ZNF746: variants seen among roughly 807,000 people sequenced by gnomAD.
ZNF746 encodes the protein zinc finger protein 746.
A neutral mutation model predicts 41.0 loss-of-function variants in ZNF746; 13 were observed. The observed-to-expected ratio is 0.32, with a 90% CI of 0.21 to 0.50. The LOEUF is 0.50. ZNF746 is among the 20% of genes least tolerant of loss of function. The pLI, the probability that ZNF746 is intolerant of heterozygous loss-of-function variation, is 0.98. For synonymous variants in ZNF746, 424 were observed against 396.2 expected (o/e 1.07, Z -0.83); for missense variants, 811 against 922.9 (o/e 0.88, Z 1.57).
At position 149,497,599 on chromosome 7, in the gene ZNF746, ACGCAGGCCCGGC is replaced by A; in HGVS notation, c.-75_-64del. ...CGTCGCCGCCGCCGCGCGCGGCACCACGCAGGCCCGGCCGCCCGGTGCTCTCCGCAGGCGGCG... is the reference window on the plus strand; with the variant it reads ...CGTCGCCGCCGCCGCGCGCGGCACCACGCCCGGTGCTCTCCGCAGGCGGCG... On this transcript the variant is annotated 5_prime_UTR_variant, in exon 1 of 7. Transcript: ENST00000458143. This position sits in a 1 kb window ranked among gnomAD's most constrained non-coding sequence, Gnocchi z 4.2. 1 of 1,025,796 alleles carries A rather than the reference ACGCAGGCCCGGC, an allele frequency of 9.7e-7. No homozygotes were observed. The highest frequency in any genetic ancestry group is 1.2e-6 in the Non-Finnish European group (1 of 858,270). The allele number at this position is 1,025,796 out of a possible 1,614,324, so 63.5% of individuals were successfully genotyped here.
At chr7:149,489,229 TA>T in intron 4 of ZNF746, 1 of 128,730 alleles carries the variant, frequency 7.8e-6, no homozygotes, top group Non-Finnish European at 1.6e-5. Flanking sequence ...AGAAATACAT[TA>T]TTTCACACAC....
At chr7:149,490,424 A>G (rs1311888802) in intron 4 of ZNF746, 4 of 152,272 alleles carry the variant, frequency 2.6e-5, no homozygotes, top group Non-Finnish European at 5.9e-5. Flanking sequence ...CAGGTGCAGA[A>G]CACCGATGGA....
At chr7:149,482,981 A>G (rs1166706274) in intron 4 of ZNF746, among the ~76,000 whole-genome samples, 3 of 152,238 alleles carry the variant, frequency 2.0e-5, no homozygotes, top group Non-Finnish European at 2.9e-5. Flanking sequence ...CCAAACACAG[A>G]GAAAACACAA....
At chr7:149,489,233 T>TCACACACACACACACACACA (rs58193586) in intron 4 of ZNF746, 1 of 142,634 alleles carries the variant, frequency 7.0e-6, no homozygotes, top group Admixed American at 7.0e-5. Flanking sequence ...ATACATTATT[T>TCACACACACACACACACACA]CACACACACA....
chr7:149,497,429 C>A lies in ZNF746; in HGVS notation c.24+84G>T. ...CCGGCCCGGACCCCGGAACCCCTCC[C>A]CAGGGCCTGCGGCGCCGTGTGCCGG... On this transcript the variant is annotated intron_variant, in intron 1 of 6. Transcript: ENST00000458143. This position sits in a 1 kb window ranked among gnomAD's most constrained non-coding sequence, Gnocchi z 4.2. The A allele has an allele frequency of 1.9e-6, 2 of 1,042,432 alleles. No individual in the cohort carries two copies. The highest frequency in any genetic ancestry group is 8.8e-5 in the South Asian group (2 of 22,742). The allele number at this position is 1,042,432 out of a possible 1,614,324, so 64.6% of individuals were successfully genotyped here.
chr7:149,491,915 G>C (rs756236722), intron 4 of ZNF746: 12 of 701,880 alleles, frequency 1.7e-5, no homozygotes, highest in Non-Finnish European at 3.1e-5. Flanking sequence ...AACTTTCAAA[G>C]GTGCTGACTG....
Position 149,494,188 on chromosome 7 carries a change from G to A in ZNF746, c.324+16C>T. 6.2e-7 allele frequency: 1 copy of A among 1,613,748 alleles called. No homozygotes were observed. The highest frequency in any genetic ancestry group is 8.5e-7 in the Non-Finnish European group (1 of 1,179,724). On this transcript the variant is annotated intron_variant, in intron 2 of 6. Coordinates refer to ENST00000458143, the MANE Select transcript of ZNF746 (RefSeq NM_001394198.1). This position sits in a 1 kb window ranked among gnomAD's most constrained non-coding sequence, Gnocchi z 5.6. ...GGCCGCTTGGGCTCCCACACCCCAAGGCGTCCCAGGGCTACCTTAGGGGAC... is the reference window on the plus strand; with the variant it reads ...GGCCGCTTGGGCTCCCACACCCCAAAGCGTCCCAGGGCTACCTTAGGGGAC...
chr7:149,484,632 T>C (rs1258165169), intron 4 of ZNF746, among the ~76,000 whole-genome samples: 2 of 152,146 alleles, frequency 1.3e-5, no homozygotes, highest in African/African-American at 4.8e-5. Flanking sequence ...ACACCTGTTA[T>C]CATCATTTCT....
At chr7:149,477,820 T>A (rs1800363198) in intron 4 of ZNF746, 65 bp from the exon 5 acceptor site, 2 of 1,379,262 alleles carry the variant, frequency 1.5e-6, no homozygotes, top group Non-Finnish European at 1.9e-6. Flanking sequence ...CATACACGCA[T>A]CCAGCCGGAG....
rs1801034748 is a variant in ZNF746, at chr7:149,497,237, G to T, written c.24+276C>A. The T allele has an allele frequency of 1.0e-6, 1 of 983,120 alleles. No individual in the cohort carries two copies. Among genetic ancestry groups the T allele is most frequent in the Admixed American group, 6.1e-5 (1 of 16,266 alleles). 60.9% of individuals were successfully genotyped at this position (983,120 alleles called of 1,614,324 possible). On this transcript the variant is annotated intron_variant, in intron 1 of 6. Coordinates refer to ENST00000458143, the MANE Select transcript of ZNF746 (RefSeq NM_001394198.1). This position sits in a 1 kb window ranked among gnomAD's most constrained non-coding sequence, Gnocchi z 4.2. ...AGGAGGGGACAGCGGCTGGGGCGGG[G>T]GCAGGAAGCCCCGGAGGGCCCAAAG...
chr7:149,492,710 A>T, intron 4 of ZNF746, 149 bp downstream of exon 4: 1 of 649,166 alleles, frequency 1.5e-6, no homozygotes, highest in Non-Finnish European at 2.8e-6. Flanking sequence ...TAGAGATTAA[A>T]ACTCAACTAT....
chr7:149,475,471 A>G lies in ZNF746; in HGVS notation c.896T>C (p.Ile299Thr), dbSNP rs771442430. Residue 299 changes from isoleucine to threonine, a missense_variant, in exon 7 of 7, where the codon ATT becomes ACT. Transcript: ENST00000458143. ...TTCCTGGACTTCTGTTTTTATTACA[A>G]TTTTTACATCTGCTGAGAAAGACAG... ...TAASTEADVKIVIKTEVQEEE... is the reference protein window; with the variant it reads ...TAASTEADVKTVIKTEVQEEE... The G allele has an allele frequency of 6.2e-7, 1 of 1,611,630 alleles. No individual in the cohort carries two copies. The highest frequency in any genetic ancestry group is 8.5e-7 in the Non-Finnish European group (1 of 1,178,376).
chr7:149,495,519 A>T (rs1800966104), intron 1 of ZNF746, among the ~76,000 whole-genome samples: 1 of 152,216 alleles, frequency 6.6e-6, no homozygotes, highest in African/African-American at 2.4e-5. Flanking sequence ...GGACTGTTTG[A>T]GCCACCCACA....
At position 149,492,847 on chromosome 7, in the gene ZNF746, C is replaced by T. The variant is rs764861806; in HGVS notation, c.565+12G>A. ...ATACCTGATGCCTCCCTGGCCTTCT[C>T]CCAGCCCTTACCTGGACTGGGGTCC... On this transcript the variant is annotated intron_variant, in intron 4 of 6. Coordinates refer to ENST00000458143, the MANE Select transcript of ZNF746 (RefSeq NM_001394198.1). 70 of 1,606,208 alleles carry T rather than the reference C, an allele frequency of 4.4e-5. No homozygotes were observed. The highest frequency in any genetic ancestry group is 1.7e-4 in the Middle Eastern group (1 of 5,718).
At chr7:149,486,992 G>A (rs77537193) in intron 4 of ZNF746, among the ~76,000 whole-genome samples, 5 of 152,352 alleles carry the variant, frequency 3.3e-5, no homozygotes, top group African/African-American at 4.8e-5. Context: ...TGGAAGACGA[G>A]CAAGTGAAGC....
chr7:149,479,694 C>CT (rs372322510), intron 4 of ZNF746, among the ~76,000 whole-genome samples: 1 of 152,268 alleles, frequency 6.6e-6, no homozygotes, highest in Non-Finnish European at 1.5e-5. Flanking sequence ...ATATGGCTGG[C>CT]TAGATGTGCA....
At chr7:149,491,923 C>A (rs749082764) in intron 4 of ZNF746, 1 of 702,234 alleles carries the variant, frequency 1.4e-6, no homozygotes, top group Non-Finnish European at 2.6e-6. Context: ...AAGGTGCTGA[C>A]TGGCTCCAGG....
In ZNF746 at chr7:149,475,010, T is replaced by TCA; in HGVS notation, c.1356_1357insTG (p.Lys453Ter). ...GCGGGGTGCTTCTTCAGCCCTGGCT[T>TCA]GTGGCCAAAGCCTTTGGTCCGGCCA... On this transcript the variant is annotated frameshift_variant, in exon 7 of 7. Transcript: ENST00000458143. LOFTEE classifies it low-confidence loss of function (END_TRUNC). The TCA allele has an allele frequency of 1.3e-6, 2 of 1,551,220 alleles. No homozygotes were observed. The highest frequency in any genetic ancestry group is 1.7e-6 in the Non-Finnish European group (2 of 1,147,632).
chr7:149,476,443 G>A (rs530678887), intron 6 of ZNF746, among the ~76,000 whole-genome samples: 1 of 143,160 alleles, frequency 7.0e-6, no homozygotes, highest in South Asian at 2.2e-4. Flanking sequence ...GCTAAAATAT[G>A]ACGTTATTAT....
Sources: gnomAD v4.1 joint callset for allele counts (sites outside exome capture counted in the v4.1 genomes callset) on GRCh38, gnomAD v4.1.1 for gene constraint, Gnocchi (gnomAD v3.1) non-coding constraint, MANE v1.5 for transcripts, NCBI Gene and HGNC (gene_info 2026-07-23, HGNC 2026-07-21) for gene names.